TMEM132D: variants seen among roughly 807,000 people sequenced by gnomAD.
TMEM132D encodes transmembrane protein 132D.
Under a neutral mutation model 62.3 loss-of-function variants are expected in TMEM132D, and 21 were observed. The observed-to-expected ratio is 0.34, with a 90% CI of 0.24 to 0.49. TMEM132D has a LOEUF of 0.49. TMEM132D is among the 20% of genes least tolerant of loss of function. TMEM132D has a pLI of 0.99. For synonymous variants in TMEM132D, 621 were observed against 575.6 expected (o/e 1.08, Z -1.13); for missense variants, 1,346 against 1,402.8 (o/e 0.96, Z 0.65).
chr12:129,679,138 T>G (rs1239088414), intron 2 of TMEM132D, among the ~76,000 whole-genome samples: 4 of 151,970 alleles, frequency 2.6e-5, no homozygotes, highest in African/African-American at 4.8e-5. Flanking sequence ...CCTAGTTTTT[T>G]TTTTTGTTGT....
intron 1 of TMEM132D, chr12:129,853,560 G>A (rs1873613623): frequency 6.6e-6 from 1 of 152,150 alleles, no homozygotes; most frequent in Non-Finnish European, 1.5e-5. Context: ...GAACCCATCT[G>A]TTTCATTATA....
At chr12:129,686,303 G>A (rs893483979) in intron 2 of TMEM132D, among the ~76,000 whole-genome samples, 5 of 152,138 alleles carry the variant, frequency 3.3e-5, no homozygotes, top group African/African-American at 1.2e-4. Flanking sequence ...AAACATGGCA[G>A]TGGTTACCCC....
At chr12:129,469,356 G>A (rs1350711068) in intron 3 of TMEM132D, among the ~76,000 whole-genome samples, 3 of 152,094 alleles carry the variant, frequency 2.0e-5, no homozygotes, top group Non-Finnish European at 4.4e-5. Flanking sequence ...CTCTCAAGAT[G>A]TGCCCCCCGT....
chr12:129,751,604 G>A (rs1179632234), intron 1 of TMEM132D, among the ~76,000 whole-genome samples: 2 of 152,294 alleles, frequency 1.3e-5, no homozygotes, highest in East Asian at 3.9e-4. Context: ...AAAACATAAA[G>A]ATAACTTTGG....
chr12:129,168,504 T>C (rs749896584), intron 5 of TMEM132D, among the ~76,000 whole-genome samples: 2 of 152,162 alleles, frequency 1.3e-5, no homozygotes, highest in African/African-American at 2.4e-5. Flanking sequence ...AGACATGTCA[T>C]ATACATGGAG....
chr12:129,355,199 C>A (rs564493518), intron 3 of TMEM132D, among the ~76,000 whole-genome samples: 1 of 152,156 alleles, frequency 6.6e-6, no homozygotes, highest in African/African-American at 2.4e-5. Context: ...GGACTTTGTA[C>A]GACAATGTAG....
chr12:129,816,252 G>A (rs1467740550), intron 1 of TMEM132D, among the ~76,000 whole-genome samples: 2 of 152,106 alleles, frequency 1.3e-5, no homozygotes, highest in Non-Finnish European at 1.5e-5. Flanking sequence ...GCAAATATTT[G>A]TATAAAATAT....
At chr12:129,642,764 T>C (rs1879672603) in intron 2 of TMEM132D, among the ~76,000 whole-genome samples, 2 of 152,320 alleles carry the variant, frequency 1.3e-5, no homozygotes, top group African/African-American at 4.8e-5. Context: ...AAACTAAAAG[T>C]TGACAGCACT....
chr12:129,618,379 C>T (rs1443962717), intron 2 of TMEM132D, among the ~76,000 whole-genome samples: 2 of 152,082 alleles, frequency 1.3e-5, no homozygotes, highest in Non-Finnish European at 2.9e-5. Context: ...CAATTGGAAC[C>T]CTATTCTCTG....
chr12:129,406,252 C>CA (rs1363562092), intron 3 of TMEM132D, among the ~76,000 whole-genome samples: 4 of 152,086 alleles, frequency 2.6e-5, no homozygotes, highest in African/African-American at 4.8e-5. Flanking sequence ...GTATTTTTTA[C>CA]AAAAATATAT....
intron 1 of TMEM132D, among the ~76,000 whole-genome samples, chr12:129,821,298 C>T (rs1047335431): frequency 1.3e-5 from 2 of 152,166 alleles, no homozygotes; most frequent in Admixed American, 6.5e-5. Context: ...GAGAATTCCA[C>T]GGTGTTGGTG....
At chr12:129,488,405 G>T (rs186055620) in intron 3 of TMEM132D, among the ~76,000 whole-genome samples, 147 of 152,282 alleles carry the variant, frequency 9.7e-4, no homozygotes, top group African/African-American at 3.3e-3. Context: ...GGGTGTGGTG[G>T]CTCAGGCCTG....
chr12:129,510,336 T>C (rs1214591773), intron 3 of TMEM132D, among the ~76,000 whole-genome samples: 2 of 152,186 alleles, frequency 1.3e-5, no homozygotes, highest in Admixed American at 1.3e-4. Context: ...ATAGAGTTGT[T>C]AGAGCTCCTT....
intron 5 of TMEM132D, among the ~76,000 whole-genome samples, chr12:129,151,880 C>CTTT (rs11384544): frequency 3.9e-4 from 52 of 133,522 alleles, no homozygotes; most frequent in African/African-American, 1.1e-3. Flanking sequence ...GTGATTCAAC[C>CTTT]TTTTTTTTTT....
intron 1 of TMEM132D, among the ~76,000 whole-genome samples, chr12:129,733,166 C>T (rs984271588): frequency 7.2e-5 from 11 of 152,110 alleles, no homozygotes; most frequent in African/African-American, 2.4e-4. Flanking sequence ...ATTATCAAAC[C>T]TGAAGGGGTG....
intron 2 of TMEM132D, among the ~76,000 whole-genome samples, chr12:129,664,388 C>G (rs1181751983): frequency 7.0e-6 from 1 of 143,414 alleles, no homozygotes; most frequent in Non-Finnish European, 1.5e-5. Flanking sequence ...TTTTGAAATG[C>G]TTTTTCTATC....
At chr12:129,747,288 C>T (rs1033825289) in intron 1 of TMEM132D, among the ~76,000 whole-genome samples, 1 of 77,282 alleles carries the variant, frequency 1.3e-5, no homozygotes, top group Non-Finnish European at 3.0e-5. Flanking sequence ...TTCCATCCGC[C>T]TCAAGTTGAC....
chr12:129,501,449 A>G (rs1207440122), intron 3 of TMEM132D, among the ~76,000 whole-genome samples: 1 of 152,208 alleles, frequency 6.6e-6, no homozygotes, highest in Non-Finnish European at 1.5e-5. Context: ...AATTTCCAGA[A>G]TATCCTCATA....
At chr12:129,699,432 C>T (rs1035725362) in intron 2 of TMEM132D, among the ~76,000 whole-genome samples, 11 of 152,302 alleles carry the variant, frequency 7.2e-5, no homozygotes, top group African/African-American at 2.2e-4. Flanking sequence ...ACAACTGTTG[C>T]CATTTCATTT....
Sources: allele counts gnomAD v4.1 joint callset (sites outside exome capture counted in the v4.1 genomes callset), GRCh38; gene constraint gnomAD v4.1.1; transcripts MANE v1.5; gene names NCBI Gene and HGNC (gene_info 2026-07-23, HGNC 2026-07-21).